Variants in RCHY1 observed in about 807,000 individuals in gnomAD.
RCHY1 encodes RING finger and CHY zinc finger domain-containing protein 1.
RCHY1 carries 21 observed loss-of-function variants against 41.6 expected under a neutral mutation model. The observed-to-expected ratio is 0.51, with a 90% CI of 0.36 to 0.73. The LOEUF (loss-of-function observed/expected upper bound fraction) is 0.73. RCHY1 is among the 30% of genes least tolerant of loss of function. RCHY1 has a pLI of 0.00. For missense variants in RCHY1, 265 were observed against 325.3 expected (o/e 0.81, Z 1.43); for synonymous variants, 79 against 102.9 (o/e 0.77, Z 1.41).
chr4:75,491,266 A>G (rs1026178722), intron 7 of RCHY1: 1 of 195,838 alleles, frequency 5.1e-6, no homozygotes. Flanking sequence ...CTTGGCCAAT[A>G]TAACAACCTA....
intron 8 of RCHY1, among the ~76,000 whole-genome samples, chr4:75,485,538 TACTC>T (rs1018353231): frequency 2.6e-5 from 4 of 152,230 alleles, no homozygotes; most frequent in African/African-American, 9.6e-5. Flanking sequence ...TCTTAACTTT[TACTC>T]ACACCATTTT....
chr4:75,480,151 C>G lies in RCHY1; in HGVS notation c.*2387G>C, dbSNP rs1201200689. 6.6e-6 allele frequency: 1 copy of G among 152,056 alleles called. No homozygotes were observed. The highest frequency in any genetic ancestry group is 1.5e-5 in the Non-Finnish European group (1 of 68,006). 9.4% of individuals were successfully genotyped at this position (152,056 alleles called of 1,614,324 possible). A position where few individuals can be genotyped will look rare whatever the true frequency, so the allele number is the denominator to read the frequency against. ...TTGAAGCAACCCTGGGTACCGAAGCCTAGAGACTTTGAGTACATTTGAAAA... is the reference window on the plus strand; with the variant it reads ...TTGAAGCAACCCTGGGTACCGAAGCGTAGAGACTTTGAGTACATTTGAAAA... On this transcript the variant is annotated 3_prime_UTR_variant, in exon 9 of 9. Coordinates refer to ENST00000324439, the MANE Select transcript of RCHY1 (RefSeq NM_015436.4).
In RCHY1 at chr4:75,514,375, C is replaced by G. The variant is rs567142194; in HGVS notation, c.-89G>C. 1.8e-5 allele frequency: 26 copies of G among 1,415,874 alleles called. No homozygotes were observed. The highest frequency in any genetic ancestry group is 2.2e-5 in the Non-Finnish European group (23 of 1,050,546). The allele number at this position is 1,415,874 out of a possible 1,614,324, so 87.7% of individuals were successfully genotyped here. ...GCTGCGCCTCTCTAGCACACCCCTCCCAGCCCCAGCGGCCACTAGCGACAA... is the reference window on the plus strand; with the variant it reads ...GCTGCGCCTCTCTAGCACACCCCTCGCAGCCCCAGCGGCCACTAGCGACAA... On this transcript the variant is annotated 5_prime_UTR_variant, in exon 1 of 9. Transcript: ENST00000324439.
chr4:75,487,498 AATAT>A (rs1227580184), intron 8 of RCHY1, among the ~76,000 whole-genome samples: 2 of 112,672 alleles, frequency 1.8e-5, no homozygotes, highest in East Asian at 2.8e-4. Flanking sequence ...ATATATTCAT[AATAT>A]ATATATTCAT....
chr4:75,494,284 G>T, intron 3 of RCHY1, 105 bp from the exon 4 acceptor site: 1 of 750,698 alleles, frequency 1.3e-6, no homozygotes, highest in Non-Finnish European at 2.2e-6. Flanking sequence ...AAAATTTCCA[G>T]CCACAATGGA....
At chr4:75,514,517 A>G (rs1725364997), upstream of RCHY1, 2 of 508,422 alleles carry the variant, frequency 3.9e-6, no homozygotes, top group Non-Finnish European at 7.2e-6. Flanking sequence ...CTTCGCTGCT[A>G]ACGGTAATAA....
At chr4:75,505,308 C>G (rs1232357373) in intron 3 of RCHY1, among the ~76,000 whole-genome samples, 1 of 152,148 alleles carries the variant, frequency 6.6e-6, no homozygotes, top group Non-Finnish European at 1.5e-5. Flanking sequence ...GGCCATGCAC[C>G]AGAATCCGCA....
At chr4:75,485,463 C>T (rs895861617) in intron 8 of RCHY1, among the ~76,000 whole-genome samples, 10 of 152,254 alleles carry the variant, frequency 6.6e-5, no homozygotes, top group Admixed American at 3.9e-4. Flanking sequence ...ACATTAGGAA[C>T]TCTTATCACT....
intron 4 of RCHY1, among the ~76,000 whole-genome samples, chr4:75,493,039 T>C (rs1256803168): frequency 6.6e-6 from 1 of 152,016 alleles, no homozygotes; most frequent in Non-Finnish European, 1.5e-5. Flanking sequence ...AATGAATTAG[T>C]GTGTGCACAC....
intron 1 of RCHY1, among the ~76,000 whole-genome samples, chr4:75,510,033 T>C (rs550359903): frequency 6.6e-6 from 1 of 152,366 alleles, no homozygotes; most frequent in East Asian, 1.9e-4. Flanking sequence ...ATAAAGATTA[T>C]ATTCTTATTT....
intron 1 of RCHY1, 194 bp downstream of exon 1, chr4:75,514,003 G>A (rs967128436): frequency 8.6e-5 from 65 of 752,974 alleles, no homozygotes; most frequent in Non-Finnish European, 1.3e-4. Flanking sequence ...TTAAAGGTAC[G>A]AAGCAGGTAG....
rs1330861885 is a variant in RCHY1, at chr4:75,491,891, C to T, written c.448G>A (p.Glu150Lys). 2 of 1,609,072 alleles carry T rather than the reference C, an allele frequency of 1.2e-6. No individual in the cohort carries two copies. Among genetic ancestry groups the T allele is most frequent in the African/African-American group, 1.3e-5 (1 of 74,598 alleles). Residue 150 changes from glutamate (E) to lysine (K), a missense_variant and splice_region_variant, in exon 5 of 9, where the codon GAG becomes AAG. Coordinates refer to ENST00000324439, the MANE Select transcript of RCHY1 (RefSeq NM_015436.4). Reference sequence around the variant, plus strand: ...AGTAAAAAATATTTTAAGCCTACCTCCAAACATATTGGACAATTCTGTCGG... The same window carrying T: ...AGTAAAAAATATTTTAAGCCTACCTTCAAACATATTGGACAATTCTGTCGG... ...VSRQNCPICL[E>K]DIHTSRVVAH...
At chr4:75,510,636 A>G (rs1724772260) in intron 1 of RCHY1, among the ~76,000 whole-genome samples, 1 of 152,194 alleles carries the variant, frequency 6.6e-6, no homozygotes, top group South Asian at 2.1e-4. Flanking sequence ...GTAGTTCTCA[A>G]ATGGTTTGGT....
At chr4:75,514,141 C>T in intron 1 of RCHY1, 56 bp downstream of exon 1, 1 of 1,572,736 alleles carries the variant, frequency 6.4e-7, no homozygotes, top group Non-Finnish European at 8.7e-7. Flanking sequence ...CTGCCCAGCC[C>T]GCCCCAGCCC....
At chr4:75,484,322 T>C (rs897427243) in intron 8 of RCHY1, among the ~76,000 whole-genome samples, 1 of 152,184 alleles carries the variant, frequency 6.6e-6, no homozygotes, top group Admixed American at 6.5e-5. Context: ...CCAAGTTTTT[T>C]TGAACACATT....
At chr4:75,487,630 A>ATATATTCATAATATATATATTC (rs71203818) in intron 8 of RCHY1, among the ~76,000 whole-genome samples, 1 of 14,696 alleles carries the variant, frequency 6.8e-5, no homozygotes, top group Non-Finnish European at 1.1e-4. Context: ...ATATATTCAT[A>ATATATTCATAATATATATATTC]ATATATATAT....
At chr4:75,490,904 C>T (rs1722688779) in intron 7 of RCHY1, 1 of 423,768 alleles carries the variant, frequency 2.4e-6, no homozygotes. Context: ...AAAACTAAGT[C>T]TTTTTCCTCA....
At chr4:75,501,866 G>C (rs2148755575) in intron 3 of RCHY1, among the ~76,000 whole-genome samples, 1 of 151,608 alleles carries the variant, frequency 6.6e-6, no homozygotes, top group Non-Finnish European at 1.5e-5. Context: ...ATCACCTGAG[G>C]TAGGGAGTTC....
upstream of RCHY1, chr4:75,514,474 G>C: frequency 1.7e-6 from 1 of 573,250 alleles, no homozygotes; most frequent in Non-Finnish European, 3.0e-6. Flanking sequence ...AGCGAAGGCA[G>C]ACGCAGTCTC....
Sources: gnomAD v4.1 joint callset for allele counts (sites outside exome capture counted in the v4.1 genomes callset) on GRCh38, gnomAD v4.1.1 for gene constraint, MANE v1.5 for transcripts, NCBI Gene and HGNC (gene_info 2026-07-23, HGNC 2026-07-21) for gene names.